ADAM11: variants seen among roughly 807,000 people sequenced by gnomAD.
ADAM11 encodes the protein disintegrin and metalloproteinase domain-containing protein 11.
ADAM11 carries 49 observed loss-of-function variants against 119.1 expected under a neutral mutation model. The observed-to-expected ratio is 0.41, with a 90% CI of 0.33 to 0.52. The LOEUF (loss-of-function observed/expected upper bound fraction) is 0.52. Ranked by LOEUF, ADAM11 falls within the 20% of genes least tolerant of loss-of-function variation. The probability of loss-of-function intolerance (pLI) is 0.20; values close to 1 mark genes in which losing one functional copy is unlikely to be tolerated. For missense variants in ADAM11, 777 were observed against 1,047.5 expected, an observed-to-expected ratio of 0.74 and a Z score of 3.56; for synonymous variants, 364 against 408.0, an observed-to-expected ratio of 0.89 and a Z score of 1.30.
In ADAM11 at chr17:44,774,316, GAGC is replaced by G; in HGVS notation, c.1018_1020del (p.Ser340del). 1 of 1,472,234 alleles carries G rather than the reference GAGC, an allele frequency of 6.8e-7. No individual in the cohort carries two copies. The highest frequency in any genetic ancestry group is 9.0e-7 in the Non-Finnish European group (1 of 1,107,944). The allele number at this position is 1,472,234 out of a possible 1,614,324, so 91.2% of individuals were successfully genotyped here. A position where few individuals can be genotyped will look rare whatever the true frequency, so the allele number is the denominator to read the frequency against. On this transcript the variant is annotated inframe_deletion, in exon 12 of 27. Transcript: ENST00000200557. Reference sequence around the variant, plus strand: ...CCAGGGGCAGGACCTTCCAGAGCACGAGCAGCGGGGCAGCCTACGTGGGGGGCA... The same window carrying G: ...CCAGGGGCAGGACCTTCCAGAGCACGAGCGGGGCAGCCTACGTGGGGGGCA...
At chr17:44,761,884 G>T (rs1417199864) in intron 2 of ADAM11, among the ~76,000 whole-genome samples, 1 of 152,118 alleles carries the variant, frequency 6.6e-6, no homozygotes, top group African/African-American at 2.4e-5. Flanking sequence ...GTGCAATGGC[G>T]TGATCTCTGC....
chr17:44,774,487 C>T lies in ADAM11; in HGVS notation c.1078-5C>T. On this transcript the variant is annotated splice_polypyrimidine_tract_variant and splice_region_variant and intron_variant, in intron 12 of 26. Coordinates refer to ENST00000200557, the MANE Select transcript of ADAM11 (RefSeq NM_002390.6). ...ACATCTGTGCCCCATCTTCCCCACC[C>T]CCAGTACGGCAACATGGGGGCGATG... The T allele has an allele frequency of 1.2e-6, 2 of 1,612,598 alleles. No homozygotes were observed. Among genetic ancestry groups the T allele is most frequent in the Non-Finnish European group, 8.5e-7 (1 of 1,179,542 alleles).
chr17:44,760,400 C>T (rs529819122), intron 2 of ADAM11, among the ~76,000 whole-genome samples: 1 of 152,308 alleles, frequency 6.6e-6, no homozygotes, highest in South Asian at 2.1e-4. Flanking sequence ...CCTGTCCTGG[C>T]TGAAGGTGGG....
chr17:44,778,840 G>A (rs2049647536), intron 25 of ADAM11, among the ~76,000 whole-genome samples: 1 of 152,038 alleles, frequency 6.6e-6, no homozygotes, highest in South Asian at 2.1e-4. Flanking sequence ...TCCCCAAATA[G>A]CCACAGAGTG....
intron 2 of ADAM11, among the ~76,000 whole-genome samples, chr17:44,765,781 C>T (rs988718475): frequency 9.9e-5 from 15 of 152,164 alleles, no homozygotes; most frequent in East Asian, 5.8e-4. Flanking sequence ...CCACCACACC[C>T]GGCTAATTTC....
Position 44,759,235 on chromosome 17 carries a change from G to A in ADAM11, c.36G>A (p.Leu12=), listed in dbSNP as rs2049358865. ...RLLRRWAFAA[L]LLSLLPTPGL... is the part of the protein sequence containing the mutation. ...TGCGGCGCTGGGCGTTCGCGGCTCT[G>A]CTGCTGTCGCTGCTCCCCACGCCCG... The change falls in exon 1 of 27, where the codon CTG becomes CTA. Residue 12 remains leucine, a synonymous_variant. Coordinates refer to ENST00000200557, the MANE Select transcript of ADAM11 (RefSeq NM_002390.6). 4 of 1,436,934 alleles carry A rather than the reference G, an allele frequency of 2.8e-6. No individual in the cohort carries two copies. Among genetic ancestry groups the A allele is most frequent in the Non-Finnish European group, 2.7e-6 (3 of 1,095,860 alleles). 89.0% of individuals were successfully genotyped at this position (1,436,934 alleles called of 1,614,324 possible). A position where few individuals can be genotyped will look rare whatever the true frequency, so the allele number is the denominator to read the frequency against.
At position 44,773,661 on chromosome 17, in the gene ADAM11, GT is replaced by G. The variant is rs1298463559; in HGVS notation, c.992+236del. Among the ~76,000 whole-genome samples the G allele has an allele frequency of 7.2e-5, 11 of 152,038 alleles. No individual in the cohort carries two copies. The highest frequency in any genetic ancestry group is 2.7e-4 in the African/African-American group (11 of 41,372). On this transcript the variant is annotated intron_variant, in intron 11 of 26. Coordinates refer to ENST00000200557, the MANE Select transcript of ADAM11 (RefSeq NM_002390.6). The surrounding 1 kb of genome is among the most constrained non-coding windows in gnomAD (Gnocchi z 4.6). ...CTCTTCTGCCTCTCACCTCCCCTTAGTTCTGTCTTTCCCCTTTCAAACTGTC... is the reference window on the plus strand; with the variant it reads ...CTCTTCTGCCTCTCACCTCCCCTTAGTCTGTCTTTCCCCTTTCAAACTGTC...
chr17:44,779,191 C>CCT (rs1179669552), intron 25 of ADAM11, 31 bp from the exon 26 acceptor site: 6 of 1,586,158 alleles, frequency 3.8e-6, no homozygotes, highest in Non-Finnish European at 5.1e-6. Context: ...GTCTCCTTTT[C>CCT]CTCTCCCCTT....
At chr17:44,760,602 C>A (rs1290342684) in intron 2 of ADAM11, among the ~76,000 whole-genome samples, 1 of 152,210 alleles carries the variant, frequency 6.6e-6, no homozygotes. Flanking sequence ...CCCCAGCGCT[C>A]CAAGAGCTGG....
intron 2 of ADAM11, among the ~76,000 whole-genome samples, chr17:44,764,843 G>T (rs971715511): frequency 4.6e-5 from 7 of 152,176 alleles, no homozygotes; most frequent in African/African-American, 1.7e-4. Context: ...ACATCTCTGA[G>T]TGTCCGGACA....
rs775496939 is a variant in ADAM11 at position 44,775,507 on chromosome 17, G to C, written c.1392+42G>C. On this transcript the variant is annotated intron_variant, in intron 16 of 26. Coordinates refer to ENST00000200557, the MANE Select transcript of ADAM11 (RefSeq NM_002390.6). This position sits in a 1 kb window ranked among gnomAD's most constrained non-coding sequence, Gnocchi z 7.5. ...GCGCCAGGTGGGGAACCGGGATGCG[G>C]GGGTGGGCACGAGGGAGCGTCTGAG... The C allele has an allele frequency of 6.3e-7, 1 of 1,587,122 alleles. No individual in the cohort carries two copies. Among genetic ancestry groups the C allele is most frequent in the Admixed American group, 1.8e-5 (1 of 56,342 alleles).
rs2049604435 is a variant in ADAM11, at chr17:44,776,608, G to C, written c.1567-137G>C. 3 of 1,113,302 alleles carry C rather than the reference G, an allele frequency of 2.7e-6. No homozygotes were observed. The highest frequency in any genetic ancestry group is 5.2e-5 in the East Asian group (2 of 38,628). 69.0% of individuals were successfully genotyped at this position (1,113,302 alleles called of 1,614,324 possible). ...GTCTGGGTCCAGAACCAGACAGATC[G>C]CTTGTCCTAGGCGTGGAAGAGCCCT... On this transcript the variant is annotated intron_variant, in intron 18 of 26. Transcript: ENST00000200557. The surrounding 1 kb of genome is among the most constrained non-coding windows in gnomAD (Gnocchi z 5.2).
Position 44,759,774 on chromosome 17 carries a change from G to A in ADAM11, c.114G>A (p.Gln38=). The change falls in exon 2 of 27, where the codon CAG becomes CAA. Residue 38 remains glutamine (Q), a synonymous_variant. Coordinates refer to ENST00000200557, the MANE Select transcript of ADAM11 (RefSeq NM_002390.6). ...CTCTGCGATGGGGGGGCTTACCCCA[G>A]CTGGGAGGCCCAGGAGCCCCTGAGG... ...AGALRWGGLP[Q]LGGPGAPEVT... 7.5e-7 allele frequency: 1 copy of A among 1,325,190 alleles called. No individual in the cohort carries two copies. Among genetic ancestry groups the A allele is most frequent in the Non-Finnish European group, 9.7e-7 (1 of 1,030,002 alleles). 82.1% of individuals were successfully genotyped at this position (1,325,190 alleles called of 1,614,324 possible). A position where few individuals can be genotyped will look rare whatever the true frequency, so the allele number is the denominator to read the frequency against.
In ADAM11 at chr17:44,772,825, G is replaced by T. The variant is rs2049543650; in HGVS notation, c.679-32G>T. On this transcript the variant is annotated intron_variant, in intron 8 of 26. Transcript: ENST00000200557. The surrounding 1 kb of genome is among the most constrained non-coding windows in gnomAD (Gnocchi z 4.5). ...CCATGAGATCAGTCAGACATGGAAGGGACTGATTCCAAGTGCCCACCCACC... is the reference window on the plus strand; with the variant it reads ...CCATGAGATCAGTCAGACATGGAAGTGACTGATTCCAAGTGCCCACCCACC... The T allele has an allele frequency of 1.2e-6, 2 of 1,600,778 alleles. No individual in the cohort carries two copies. Among genetic ancestry groups the T allele is most frequent in the South Asian group, 2.2e-5 (2 of 90,582 alleles).
intron 25 of ADAM11, 75 bp downstream of exon 25, chr17:44,778,317 G>A (rs2049635883): frequency 1.4e-6 from 2 of 1,453,808 alleles, no homozygotes; most frequent in Admixed American, 2.1e-5. Context: ...GGAGCTGAGG[G>A]GGCCCTCCCT....
chr17:44,777,451 T>TG lies in ADAM11; in HGVS notation c.1782-27dup. 1 of 1,610,226 alleles carries TG rather than the reference T, an allele frequency of 6.2e-7. No individual in the cohort carries two copies. Among genetic ancestry groups the TG allele is most frequent in the Non-Finnish European group, 8.5e-7 (1 of 1,176,700 alleles). ...CAGTAGTTGAGTCTGAGGTCAAACT[T>TG]GGGGCTCACTGTCTCTATATGCCCC... On this transcript the variant is annotated intron_variant, in intron 21 of 26. Transcript: ENST00000200557. The surrounding 1 kb of genome is among the most constrained non-coding windows in gnomAD (Gnocchi z 5.1).
At chr17:44,770,424 C>G (rs1476101640) in intron 4 of ADAM11, among the ~76,000 whole-genome samples, 4 of 151,928 alleles carry the variant, frequency 2.6e-5, no homozygotes, top group Non-Finnish European at 4.4e-5. Context: ...GCCTGGGACA[C>G]TAGGGTCCCA....
At position 44,773,337 on chromosome 17, in the gene ADAM11, T is replaced by A. The variant is rs1335363654; in HGVS notation, c.902T>A (p.Val301Glu). The change falls in exon 11 of 27, where the codon GTG (valine) becomes GAG (glutamate). Residue 301 changes from valine (V) to glutamate (E), a missense_variant. By Grantham distance (121) the Val-to-Glu change is moderately radical. This residue lies in a region of ADAM11 where 147 missense variants were observed against 223.3 expected (regional missense o/e 0.66). Coordinates refer to ENST00000200557, the MANE Select transcript of ADAM11 (RefSeq NM_002390.6). The surrounding 1 kb of genome is among the most constrained non-coding windows in gnomAD (Gnocchi z 4.6). ...ETWADGDKIQ[V>E]QDDLLETLAR... ...TGGGCAGATGGGGACAAGATCCAGG[T>A]GCAGGATGACCTCCTGGAGACCCTG... 1 of 1,613,830 alleles carries A rather than the reference T, an allele frequency of 6.2e-7. No homozygotes were observed. The highest frequency in any genetic ancestry group is 8.5e-7 in the Non-Finnish European group (1 of 1,179,982).
Position 44,769,879 on chromosome 17 carries a change from G to T in ADAM11, c.314+85G>T, listed in dbSNP as rs1243276707. ...GGGCCTGGCTGCTGGGGGTCTGGGGGTTGGGCCTGGGCAGAGGGGACCTGG... is the reference window on the plus strand; with the variant it reads ...GGGCCTGGCTGCTGGGGGTCTGGGGTTTGGGCCTGGGCAGAGGGGACCTGG... On this transcript the variant is annotated intron_variant, in intron 3 of 26. Coordinates refer to ENST00000200557, the MANE Select transcript of ADAM11 (RefSeq NM_002390.6). The T allele has an allele frequency of 3.8e-6, 6 of 1,598,002 alleles. No homozygotes were observed. In the Admixed American group the frequency reaches 8.3e-5, roughly 22 times the overall value.
Sources: gnomAD v4.1 joint callset for allele counts (sites outside exome capture counted in the v4.1 genomes callset) on GRCh38, gnomAD v4.1.1 for gene constraint, gnomAD v4.1.1 regional missense constraint, Gnocchi (gnomAD v3.1) non-coding constraint, MANE v1.5 for transcripts, NCBI Gene and HGNC (gene_info 2026-07-23, HGNC 2026-07-21) for gene names.